The following FBRS variants were observed in gnomAD, a reference collection of about 807,000 sequenced individuals.
The protein encoded by FBRS is fibrosin.
Under a neutral mutation model 86.1 loss-of-function variants are expected in FBRS, and 15 were observed. The observed-to-expected ratio is 0.17, with a 90% CI of 0.12 to 0.27. The LOEUF is 0.27. Ranked by LOEUF, FBRS falls within the 10% of genes least tolerant of loss-of-function variation. The pLI is 1.00. For missense variants in FBRS, 1,367 were observed against 1,301.6 expected (o/e 1.05, Z -0.77); for synonymous variants, 666 against 575.8 (o/e 1.16, Z -2.24).
chr16:30,669,207 T>TGCCGCTGCTGCTGCC lies in FBRS; in HGVS notation c.2511_2525dup (p.Ala845_Ala849dup), dbSNP rs1555520200. The TGCCGCTGCTGCTGCC allele has an allele frequency of 3.9e-6, 6 of 1,544,216 alleles. No homozygotes were observed. The highest frequency in any genetic ancestry group is 1.4e-5 in the African/African-American group (1 of 72,510). On this transcript the variant is annotated inframe_insertion, in exon 18 of 18. Coordinates refer to ENST00000356166, the MANE Select transcript of FBRS (RefSeq NM_001105079.3). This position sits in a 1 kb window ranked among gnomAD's most constrained non-coding sequence, Gnocchi z 5.9. ...GGAAGGAGGAGGCTGCCGCCGCCGC[T>TGCCGCTGCTGCTGCC]GCCGCTGCTGCTGCCGCCGCCGCTG...
rs774418216 is a variant in FBRS, at chr16:30,665,699, G to C, written c.1766G>C (p.Gly589Ala). ...GTGCCGAGCGGGCTCTCCCAGAAGG[G>C]GACACAGGTGAGGGGGCCAGGGCAG... ...GPVPSGLSQK[G>A]TQIPDHFRPP... The change falls in exon 11 of 18, where the codon GGG becomes GCG. Residue 589 changes from glycine to alanine, a missense_variant. Coordinates refer to ENST00000356166, the MANE Select transcript of FBRS (RefSeq NM_001105079.3). This position sits in a 1 kb window ranked among gnomAD's most constrained non-coding sequence, Gnocchi z 4.1. 4 of 1,581,268 alleles carry C rather than the reference G, an allele frequency of 2.5e-6. No homozygotes were observed. In the African/African-American group the frequency reaches 5.4e-5, roughly 21 times the overall value.
Position 30,660,430 on chromosome 16 carries a change from G to A in FBRS, c.627G>A (p.Arg209=), listed in dbSNP as rs955604647. The change falls in exon 2 of 18, where the codon CGG becomes CGA. Residue 209 remains arginine (R), a synonymous_variant. Coordinates refer to ENST00000356166, the MANE Select transcript of FBRS (RefSeq NM_001105079.3). ...GDRARKWPNK[R]RRKEASSRHS... is the part of the protein sequence containing the mutation. ...GGGCCCGAAAATGGCCCAATAAGCG[G>A]AGAAGAAAAGAGGTGAGGTTGTCCC... The A allele has an allele frequency of 4.8e-6, 6 of 1,258,658 alleles. No homozygotes were observed. The African/African-American group carries it at 7.7e-5, about 16-fold the overall frequency. 78.0% of individuals were successfully genotyped at this position (1,258,658 alleles called of 1,614,324 possible).
intron 8 of FBRS, 42 bp downstream of exon 8, chr16:30,664,962 T>C: frequency 1.9e-6 from 3 of 1,609,392 alleles, no homozygotes; most frequent in Non-Finnish European, 2.5e-6. Flanking sequence ...CGGAGGCCTC[T>C]GGGGAGGGCA....
Position 30,662,481 on chromosome 16 carries a change from G to A in FBRS, c.754+13G>A, listed in dbSNP as rs1273506873. The A allele has an allele frequency of 6.4e-7, 1 of 1,550,666 alleles. No individual in the cohort carries two copies. On this transcript the variant is annotated intron_variant, in intron 5 of 17. Coordinates refer to ENST00000356166, the MANE Select transcript of FBRS (RefSeq NM_001105079.3). ...TCAACCAGCAAAGGTTGGTCCCAAGGTCTGGGGCTGGAGGCACGGGAGGGC... is the reference window on the plus strand; with the variant it reads ...TCAACCAGCAAAGGTTGGTCCCAAGATCTGGGGCTGGAGGCACGGGAGGGC...
In FBRS at chr16:30,662,529, A is replaced by G. The variant is rs778048427; in HGVS notation, c.755-30A>G. 9.7e-5 allele frequency: 151 copies of G among 1,549,794 alleles called. 2 individuals are homozygous for G. The Middle Eastern group carries it at 1.7e-3, about 17-fold the overall frequency. ...GGCAGTGGGGTGAGCATGAGCCTCAACTGAGCATGTCTGCCATCCTGCCCC... is the reference window on the plus strand; with the variant it reads ...GGCAGTGGGGTGAGCATGAGCCTCAGCTGAGCATGTCTGCCATCCTGCCCC... On this transcript the variant is annotated intron_variant, in intron 5 of 17. Coordinates refer to ENST00000356166, the MANE Select transcript of FBRS (RefSeq NM_001105079.3).
At chr16:30,668,046 T>G in intron 15 of FBRS, 1 of 202,192 alleles carries the variant, frequency 4.9e-6, no homozygotes, top group Non-Finnish European at 9.9e-6. Flanking sequence ...CGTGGTGACA[T>G]TCCAGTGGCG....
At position 30,668,999 on chromosome 16, in the gene FBRS, T is replaced by C. The variant is rs2919433; in HGVS notation, c.2366+20T>C. The C allele has an allele frequency of 0.056, 17,236 of 309,302 alleles. 850 individuals are homozygous for C. The highest frequency in any genetic ancestry group is 0.37 in the African/African-American group (11,898 of 31,732). 19.2% of individuals were successfully genotyped at this position (309,302 alleles called of 1,614,324 possible). ...GGACAGGTGTGCCTCCCACCCACCC[T>C]GCCCCTGCCCCACCCTCAGCCCCTG... On this transcript the variant is annotated intron_variant, in intron 17 of 17. Coordinates refer to ENST00000356166, the MANE Select transcript of FBRS (RefSeq NM_001105079.3).
In FBRS at chr16:30,670,466, C is replaced by T; in HGVS notation, c.*821C>T. ...TCCACCACCTCTTAATGGCTCAGTC[C>T]CCTTCACCCCATTTCCAAGTGCCCC... is the stretch of plus-strand genomic sequence containing the variant. On this transcript the variant is annotated 3_prime_UTR_variant, in exon 18 of 18. Transcript: ENST00000356166. 1 of 335,298 alleles carries T rather than the reference C, an allele frequency of 3.0e-6. No homozygotes were observed. Among genetic ancestry groups the T allele is most frequent in the African/African-American group, 2.2e-5 (1 of 45,580 alleles). The allele number at this position is 335,298 out of a possible 1,614,324, so 20.8% of individuals were successfully genotyped here.
Position 30,665,387 on chromosome 16 carries a change from G to C in FBRS, c.1690G>C (p.Ala564Pro), listed in dbSNP as rs1158800693. The C allele has an allele frequency of 6.4e-7, 1 of 1,569,278 alleles. No individual in the cohort carries two copies. Among genetic ancestry groups the C allele is most frequent in the African/African-American group, 1.4e-5 (1 of 73,746 alleles). ...PAVSFGSLQG[A>P]FQPKSTNPEL... ...CGTCTCCTTTGGCTCCCTGCAGGGG[G>C]CCTTCCAGCCCAAGGTGAGCTCCCA... is the stretch of plus-strand genomic sequence containing the variant. The change falls in exon 10 of 18, where the codon GCC becomes CCC. Residue 564 changes from alanine to proline, a missense_variant. Ala to Pro is a conservative substitution (Grantham distance 27, BLOSUM62 -1). Transcript: ENST00000356166. The surrounding 1 kb of genome is among the most constrained non-coding windows in gnomAD (Gnocchi z 4.1).
rs1173900229 is a variant in FBRS, at chr16:30,670,112, C to T, written c.*467C>T. The T allele has an allele frequency of 4.3e-6, 2 of 464,370 alleles. No homozygotes were observed. Among genetic ancestry groups the T allele is most frequent in the Non-Finnish European group, 8.6e-6 (2 of 231,544 alleles). The allele number at this position is 464,370 out of a possible 1,614,324, so 28.8% of individuals were successfully genotyped here. A position where few individuals can be genotyped will look rare whatever the true frequency, so the allele number is the denominator to read the frequency against. Reference sequence around the variant, plus strand: ...CATATTTATCACCCCTTTCACATAGCCCCAAGACCTTTTGTACATTTTTAC... The same window carrying T: ...CATATTTATCACCCCTTTCACATAGTCCCAAGACCTTTTGTACATTTTTAC... On this transcript the variant is annotated 3_prime_UTR_variant, in exon 18 of 18. Transcript: ENST00000356166.
rs972579734 is a variant in FBRS at position 30,660,316 on chromosome 16, T to G, written c.513T>G (p.Ser171=). 3.1e-6 allele frequency: 4 copies of G among 1,299,996 alleles called. No individual in the cohort carries two copies. Among genetic ancestry groups the G allele is most frequent in the African/African-American group, 1.5e-5 (1 of 64,754 alleles). The allele number at this position is 1,299,996 out of a possible 1,614,324, so 80.5% of individuals were successfully genotyped here. ...GACTGGAACATCGGCTGAAGCATTC[T>G]GGGAAGCGGAAAAGGGGGGGCTCCA... The part of the protein sequence containing the change: ...PERLEHRLKH[S]GKRKRGGSSG... The change falls in exon 2 of 18, where the codon TCT becomes TCG. Residue 171 remains serine (S), a synonymous_variant. Coordinates refer to ENST00000356166, the MANE Select transcript of FBRS (RefSeq NM_001105079.3).
At position 30,670,059 on chromosome 16, in the gene FBRS, G is replaced by A. The variant is rs1482485179; in HGVS notation, c.*414G>A. The A allele has an allele frequency of 6.1e-6, 3 of 492,656 alleles. No homozygotes were observed. The highest frequency in any genetic ancestry group is 1.2e-5 in the Non-Finnish European group (3 of 251,422). 30.5% of individuals were successfully genotyped at this position (492,656 alleles called of 1,614,324 possible). A position where few individuals can be genotyped will look rare whatever the true frequency, so the allele number is the denominator to read the frequency against. On this transcript the variant is annotated 3_prime_UTR_variant, in exon 18 of 18. Transcript: ENST00000356166. The stretch of plus-strand genomic sequence containing the variant: ...ATGCCCTCCGAGGGCTGGGGGAGGA[G>A]GGGCTCAAGGAAGGGGGGTTCCATG...
chr16:30,668,987 T>TCCCCC lies in FBRS; in HGVS notation c.2366+11_2366+12insCCCCC. ...CAAGGAGGAGAAGGACAGGTGTGCC[T>TCCCCC]CCCACCCACCCTGCCCCTGCCCCAC... On this transcript the variant is annotated intron_variant, in intron 17 of 17. Coordinates refer to ENST00000356166, the MANE Select transcript of FBRS (RefSeq NM_001105079.3). 6.8e-7 allele frequency: 1 copy of TCCCCC among 1,481,128 alleles called. No individual in the cohort carries two copies. Among genetic ancestry groups the TCCCCC allele is most frequent in the Non-Finnish European group, 9.2e-7 (1 of 1,088,974 alleles). The allele number at this position is 1,481,128 out of a possible 1,614,324, so 91.7% of individuals were successfully genotyped here.
Position 30,660,409 on chromosome 16 carries a change from C to A in FBRS, c.606C>A (p.Ala202=). ...CTGGCCGGCCCCCTGGGGATCGGGC[C>A]CGAAAATGGCCCAATAAGCGGAGAA... is the stretch of plus-strand genomic sequence containing the variant. ...REPGRPPGDR[A]RKWPNKRRRK... is the part of the protein sequence containing the mutation. The change falls in exon 2 of 18, where the codon GCC becomes GCA. Residue 202 remains alanine, a synonymous_variant. Coordinates refer to ENST00000356166, the MANE Select transcript of FBRS (RefSeq NM_001105079.3). 1.6e-6 allele frequency: 2 copies of A among 1,259,882 alleles called. No individual in the cohort carries two copies. The highest frequency in any genetic ancestry group is 7.2e-5 in the South Asian group (2 of 27,930). 78.0% of individuals were successfully genotyped at this position (1,259,882 alleles called of 1,614,324 possible).
chr16:30,666,200 T>C (rs1326079422), intron 11 of FBRS: 2 of 531,374 alleles, frequency 3.8e-6, no homozygotes, highest in East Asian at 6.3e-5. Context: ...TAAATAAATC[T>C]TAAACAGACC....
chr16:30,662,071 CT>C (rs2052469350), intron 4 of FBRS: 1 of 263,648 alleles, frequency 3.8e-6, no homozygotes, highest in African/African-American at 2.3e-5. Flanking sequence ...TGGTTTAAAA[CT>C]TTTACCAACG....
chr16:30,659,366 G>A lies in FBRS; in HGVS notation c.-153G>A. On this transcript the variant is annotated 5_prime_UTR_variant, in exon 1 of 18. Transcript: ENST00000356166. ...CCGGCTCCCCGGGCCGTGGCCTTGG[G>A]GCAAGCTCGGGGCCAGCAGATCCGG... is the stretch of plus-strand genomic sequence containing the variant. 5.0e-6 allele frequency: 1 copy of A among 199,334 alleles called. No homozygotes were observed. Among genetic ancestry groups the A allele is most frequent in the Non-Finnish European group, 1.0e-5 (1 of 99,654 alleles). 12.3% of individuals were successfully genotyped at this position (199,334 alleles called of 1,614,324 possible).
chr16:30,664,788 A>G lies in FBRS; in HGVS notation c.1431A>G (p.Ala477=). The change falls in exon 8 of 18, where the codon GCA becomes GCG. Residue 477 remains alanine (A), a synonymous_variant. Coordinates refer to ENST00000356166, the MANE Select transcript of FBRS (RefSeq NM_001105079.3). ...NAQGGPEVVG[A]GGSARPLAFQ... is the part of the protein sequence containing the mutation. ...AGGGTGGCCCTGAGGTGGTGGGGGC[A>G]GGGGGCTCGGCCCGGCCCCTGGCCT... 6.4e-7 allele frequency: 1 copy of G among 1,553,796 alleles called. No homozygotes were observed. The highest frequency in any genetic ancestry group is 8.7e-7 in the Non-Finnish European group (1 of 1,148,260).
chr16:30,667,292 A>G (rs2052534333), intron 13 of FBRS, 28 bp from the exon 14 acceptor site: 1 of 1,492,256 alleles, frequency 6.7e-7, no homozygotes, highest in Non-Finnish European at 9.1e-7. Context: ...CTCCTCATGT[A>G]CTGCCCCTCT....
Sources: allele counts gnomAD v4.1 joint callset, GRCh38; gene constraint gnomAD v4.1.1; non-coding constraint Gnocchi (gnomAD v3.1); transcripts MANE v1.5; gene names NCBI Gene and HGNC (gene_info 2026-07-23, HGNC 2026-07-21).